The following RYR1 variants were observed in gnomAD, a reference collection of about 807,000 sequenced individuals.
RYR1 encodes ryanodine receptor 1.
A neutral mutation model predicts 583.5 loss-of-function variants in RYR1; 342 were observed. The ratio of observed to expected loss-of-function variants is 0.59; its 90% CI spans 0.54 to 0.64. The LOEUF (loss-of-function observed/expected upper bound fraction) is 0.64, where lower values mean the gene tolerates loss of function less well. Among genes scored for constraint, RYR1 ranks in the 30% least tolerant of loss-of-function variants. The pLI, the probability that RYR1 is intolerant of heterozygous loss-of-function variation, is 0.00. For missense variants in RYR1, 6,032 were observed against 6,917.2 expected (o/e 0.87, Z 4.54); for synonymous variants, 2,791 against 2,822.5 (o/e 0.99, Z 0.35).
intron 27 of RYR1, among the ~76,000 whole-genome samples, chr19:38,469,877 G>A (rs1415426083): frequency 3.3e-5 from 5 of 151,398 alleles, no homozygotes; most frequent in African/African-American, 1.2e-4. Flanking sequence ...GACCAGCCTT[G>A]GCAACATAGG....
Position 38,499,541 on chromosome 19 carries a change from C to T in RYR1, c.7028-94C>T. 3 of 1,413,182 alleles carry T rather than the reference C, an allele frequency of 2.1e-6. No homozygotes were observed. Among genetic ancestry groups the T allele is most frequent in the Non-Finnish European group, 2.9e-6 (3 of 1,027,144 alleles). The allele number at this position is 1,413,182 out of a possible 1,614,324, so 87.5% of individuals were successfully genotyped here. On this transcript the variant is annotated intron_variant, in intron 43 of 105. Transcript: ENST00000359596. This position sits in a 1 kb window ranked among gnomAD's most constrained non-coding sequence, Gnocchi z 7.3. Reference sequence around the variant, plus strand: ...GTTGGGTCCTGGAGCTGGATGGGACCTGTGTTACCCCTGGAGGTGTTGGGT... The same window carrying T: ...GTTGGGTCCTGGAGCTGGATGGGACTTGTGTTACCCCTGGAGGTGTTGGGT...
intron 76 of RYR1, among the ~76,000 whole-genome samples, chr19:38,530,877 G>A (rs987700118): frequency 7.3e-5 from 11 of 151,102 alleles, no homozygotes; most frequent in East Asian, 5.9e-4. Context: ...ATCTCGGCTC[G>A]CTGCAATCTC....
Position 38,494,449 on chromosome 19 carries a change from G to T in RYR1, c.6372G>T (p.Leu2124=), listed in dbSNP as rs749069469. 181 of 1,612,490 alleles carry T rather than the reference G, an allele frequency of 1.1e-4. No homozygotes were observed. Among genetic ancestry groups the T allele is most frequent in the Non-Finnish European group, 1.5e-4 (177 of 1,180,032 alleles). ...TGGTGCGGGCCATGTTCAGCCTCCT[G>T]CACCGGCAGTACGACGGGCTGGGTG... ...PELVRAMFSL[L]HRQYDGLGEL... Residue 2124 remains leucine, a synonymous_variant, in exon 39 of 106, where the codon CTG becomes CTT. Coordinates refer to ENST00000359596, the MANE Select transcript of RYR1 (RefSeq NM_000540.3).
intron 75 of RYR1, 26 bp from the exon 76 acceptor site, chr19:38,528,925 T>TC (rs35331079): frequency 6.2e-7 from 1 of 1,600,104 alleles, no homozygotes; most frequent in Non-Finnish European, 8.5e-7. Flanking sequence ...AGAAACCCTC[T>TC]CCCCAAGTCT....
intron 100 of RYR1, 63 bp from the exon 101 acceptor site, chr19:38,580,307 A>G (rs1055301327): frequency 2.2e-5 from 27 of 1,252,244 alleles, no homozygotes; most frequent in Non-Finnish European, 2.7e-5. Flanking sequence ...AGGACCCAGC[A>G]TGGGCAGGGT....
intron 84 of RYR1, among the ~76,000 whole-genome samples, chr19:38,538,310 G>A (rs572063191): frequency 6.6e-6 from 1 of 152,304 alleles, no homozygotes; most frequent in African/African-American, 2.4e-5. Flanking sequence ...TGAGGCAGGA[G>A]AATCGCTTGA....
At chr19:38,546,868 C>T (rs1340396351) in intron 88 of RYR1, among the ~76,000 whole-genome samples, 4 of 146,856 alleles carry the variant, frequency 2.7e-5, no homozygotes, top group Admixed American at 6.9e-5. Context: ...GGGAGGATCA[C>T]CAGAGCCCGG....
At position 38,460,396 on chromosome 19, in the gene RYR1, C is replaced by T. The variant is rs1228187436; in HGVS notation, c.2382C>T (p.Gly794=). ...AGVKVRFLLG[G]RHGEFKFLPP... ...CCAGGGTGCGGTTCCTCCTTGGTGG[C>T]CGCCATGGTGAATTCAAGTTCCTGC... The change falls in exon 20 of 106, where the codon GGC becomes GGT. Residue 794 remains glycine (G), a synonymous_variant. Transcript: ENST00000359596. 6.2e-7 allele frequency: 1 copy of T among 1,614,172 alleles called. No homozygotes were observed. Among genetic ancestry groups the T allele is most frequent in the Non-Finnish European group, 8.5e-7 (1 of 1,180,016 alleles).
At chr19:38,455,877 C>T (rs1967350398) in intron 16 of RYR1, 126 bp downstream of exon 16, 1 of 720,152 alleles carries the variant, frequency 1.4e-6, no homozygotes, top group South Asian at 1.5e-5. Flanking sequence ...TACGCCACTC[C>T]CACTGGCTTT....
intron 64 of RYR1, among the ~76,000 whole-genome samples, chr19:38,515,803 G>A (rs543249908): frequency 6.6e-5 from 10 of 152,210 alleles, no homozygotes; most frequent in African/African-American, 2.4e-4. Context: ...GCTAGGCATG[G>A]TATGGTGTGT....
chr19:38,507,955 C>G, intron 58 of RYR1, 128 bp downstream of exon 58: 1 of 687,882 alleles, frequency 1.5e-6, no homozygotes, highest in African/African-American at 1.7e-5. Flanking sequence ...TATTGAGCTT[C>G]TACTATGTGC....
rs1440891338 is a variant in RYR1 at position 38,463,146 on chromosome 19, C to CCA, written c.2578-276_2578-275insAC. On this transcript the variant is annotated intron_variant, in intron 20 of 105. Transcript: ENST00000359596. ...CTCCTGACCTCAGGCGATCTGCCCC[C>CCA]CCCCCCCCCACTTAGCCTCCCAAAG... 8.8e-4 allele frequency among the ~76,000 whole-genome samples: 54 copies of CCA among 61,614 alleles called. 8 individuals carry two copies. Among genetic ancestry groups the CCA allele is most frequent in the African/African-American group, 2.6e-3 (44 of 16,844 alleles). 40.4% of individuals were successfully genotyped at this position (61,614 alleles called of 152,430 possible).
rs1057519109 is a variant in RYR1, at chr19:38,483,513, A to G, written c.4931A>G (p.Asn1644Ser). The change falls in exon 33 of 106, where the codon AAC (asparagine) becomes AGC (serine). Residue 1644 changes from asparagine (N) to serine (S), a missense_variant. Coordinates refer to ENST00000359596, the MANE Select transcript of RYR1 (RefSeq NM_000540.3). This position sits in a 1 kb window ranked among gnomAD's most constrained non-coding sequence, Gnocchi z 6.3. ...ATGGCGCTGCACATCCCCGAGGAGA[A>G]CCGGTCAGGGCCAGCCCAGCTATGC... ...TMMALHIPEE[N>S]RCMDILELSE... 35 of 1,546,158 alleles carry G rather than the reference A, an allele frequency of 2.3e-5. No individual in the cohort carries two copies. The highest frequency in any genetic ancestry group is 3.0e-5 in the Non-Finnish European group (34 of 1,149,984).
At chr19:38,497,731 T>C (rs113637763) in intron 42 of RYR1, among the ~76,000 whole-genome samples, 15,941 of 152,170 alleles carry the variant, frequency 0.1, 931 homozygotes, top group South Asian at 0.24. Context: ...CCCAGCACTT[T>C]GGGAGGCCGA....
At chr19:38,497,399 G>T (rs80283299) in intron 42 of RYR1, among the ~76,000 whole-genome samples, 2 of 152,260 alleles carry the variant, frequency 1.3e-5, no homozygotes, top group Non-Finnish European at 2.9e-5. Context: ...GGTGAAATGC[G>T]TGGGCTCCAG....
chr19:38,514,885 C>G (rs1970886256), intron 63 of RYR1, 141 bp from the exon 64 acceptor site: 1 of 692,948 alleles, frequency 1.4e-6, no homozygotes, highest in Admixed American at 2.0e-5. Flanking sequence ...TTGCTCAAGT[C>G]ACAAGACTCG....
intron 11 of RYR1, among the ~76,000 whole-genome samples, chr19:38,450,320 G>A (rs1189982639): frequency 1.3e-5 from 2 of 152,146 alleles, no homozygotes; most frequent in African/African-American, 4.8e-5. Context: ...TGGCTGTGGG[G>A]TGAGAGAAGG....
intron 95 of RYR1, 30 bp from the exon 96 acceptor site, chr19:38,573,147 G>A (rs776692047): frequency 1.1e-5 from 17 of 1,612,586 alleles, no homozygotes; most frequent in Admixed American, 3.3e-5. Flanking sequence ...GGTGCCTGAC[G>A]CCCACCTTTG....
rs748739409 is a variant in RYR1, at chr19:38,561,102, C to CCCG, written c.12283-8_12283-6dup. The CCCG allele has an allele frequency of 1.2e-6, 2 of 1,613,620 alleles. No individual in the cohort carries two copies. The highest frequency in any genetic ancestry group is 3.3e-5 in the Admixed American group (2 of 59,990). On this transcript the variant is annotated splice_polypyrimidine_tract_variant and intron_variant, in intron 89 of 105. Transcript: ENST00000359596. This position sits in a 1 kb window ranked among gnomAD's most constrained non-coding sequence, Gnocchi z 4.8. ...CCAGGTCACCCCACTGACCTCCCTG[C>CCCG]CCGCCCCCAGGCCATGGACAGCCAG...
Sources: gnomAD v4.1 joint callset for allele counts (sites outside exome capture counted in the v4.1 genomes callset) on GRCh38, gnomAD v4.1.1 for gene constraint, Gnocchi (gnomAD v3.1) non-coding constraint, MANE v1.5 for transcripts, NCBI Gene and HGNC (gene_info 2026-07-23, HGNC 2026-07-21) for gene names.